The following CCDC171 variants were observed in gnomAD, a reference collection of about 807,000 sequenced individuals.
The protein encoded by CCDC171 is coiled-coil domain-containing protein 171.
A neutral mutation model predicts 168.2 loss-of-function variants in CCDC171; 177 were observed. The observed-to-expected ratio is 1.05, with a 90% CI of 0.93 to 1.19. The LOEUF is 1.19. Ranked by LOEUF, CCDC171 falls within the 50% of genes most tolerant of loss-of-function variation. CCDC171 has a pLI of 0.00. For missense variants in CCDC171, 1,991 were observed against 1,539.0 expected, an observed-to-expected ratio of 1.29 and a Z score of -4.91; for synonymous variants, 687 against 540.8, an observed-to-expected ratio of 1.27 and a Z score of -3.75.
At chr9:15,648,167 T>G (rs559329546) in intron 7 of CCDC171, among the ~76,000 whole-genome samples, 2 of 152,334 alleles carry the variant, frequency 1.3e-5, no homozygotes, top group South Asian at 4.1e-4. Context: ...TCTGAATAGA[T>G]GCAGAAAAGG....
rs763965195 is a variant in CCDC171, at chr9:15,657,163, A to C, written c.859A>C (p.Ile287Leu). Residue 287 changes from isoleucine to leucine, a missense_variant, in exon 8 of 26, where the codon ATT (isoleucine) becomes CTT (leucine). By Grantham distance (5) the Ile-to-Leu change is conservative. Transcript: ENST00000380701. Reference protein sequence around the residue: ...TLRVRKLEENIEAERAAHLES... With the variant: ...TLRVRKLEENLEAERAAHLES... ...AAGAGTGAGGAAATTAGAAGAAAAC[A>C]TTGAAGCAGAAAGAGCAGCGCATTT... 1.2e-6 allele frequency: 2 copies of C among 1,611,288 alleles called. No homozygotes were observed. The highest frequency in any genetic ancestry group is 8.5e-7 in the Non-Finnish European group (1 of 1,178,444).
chr9:15,959,250 G>A (rs1293290205), intron 25 of CCDC171, among the ~76,000 whole-genome samples: 2 of 152,146 alleles, frequency 1.3e-5, no homozygotes, highest in African/African-American at 4.8e-5. Flanking sequence ...ACCTTACGAT[G>A]TGGCCTTTCC....
In CCDC171 at chr9:15,989,812, G is replaced by A. The variant is rs568049234; in HGVS notation, n.369-30777G>A. The stretch of plus-strand genomic sequence containing the variant: ...GCTTCAGTAGCTGATTCTGTCAACT[G>A]GAGGAAAGGGTATCAGTGATTGAAG... On this transcript the variant is annotated intron_variant and non_coding_transcript_variant, in intron 3 of 9. Transcript: ENST00000486641. 6.6e-5 allele frequency among the ~76,000 whole-genome samples: 10 copies of A among 152,252 alleles called. No homozygotes were observed. In the South Asian group the frequency reaches 1.5e-3, roughly 22 times the overall value.
rs541238808 is a variant in CCDC171 at position 15,951,561 on chromosome 9, C to G, written c.3754-20048C>G. Reference sequence around the variant, plus strand: ...TTGTTTGCTTGTTTTTTTAAGTAGCCGTTCTAATGGGTAGGAGGTAGTATC... The same window carrying G: ...TTGTTTGCTTGTTTTTTTAAGTAGCGGTTCTAATGGGTAGGAGGTAGTATC... On this transcript the variant is annotated intron_variant, in intron 25 of 25. Transcript: ENST00000380701. Among the ~76,000 whole-genome samples the G allele has an allele frequency of 2.0e-5, 3 of 151,842 alleles. No homozygotes were observed. In the East Asian group the frequency reaches 5.8e-4, roughly 29 times the overall value.
At chr9:15,942,510 T>C (rs1456139175) in intron 25 of CCDC171, among the ~76,000 whole-genome samples, 3 of 151,954 alleles carry the variant, frequency 2.0e-5, no homozygotes, top group Non-Finnish European at 4.4e-5. Flanking sequence ...ATTGTTCACC[T>C]GAGATCAGGA....
At chr9:16,066,334 T>C (rs1200933825), downstream of CCDC171, among the ~76,000 whole-genome samples, 2 of 152,180 alleles carry the variant, frequency 1.3e-5, no homozygotes, top group Admixed American at 1.3e-4. Context: ...TTAAAAATTA[T>C]TGTTCACTGT....
intron 3 of CCDC171, among the ~76,000 whole-genome samples, chr9:15,991,702 A>G (rs556667650): frequency 3.2e-4 from 49 of 152,202 alleles, no homozygotes; most frequent in Non-Finnish European, 6.0e-4. Flanking sequence ...AAAGAATAAA[A>G]GAGAGAAGAA....
chr9:16,004,491 T>C (rs1008843598), intron 3 of CCDC171, among the ~76,000 whole-genome samples: 1 of 152,222 alleles, frequency 6.6e-6, no homozygotes, highest in Non-Finnish European at 1.5e-5. Flanking sequence ...TGTCCAGCGA[T>C]CTGCTTTCCT....
rs1189230686 is a variant in CCDC171 at position 15,972,066 on chromosome 9, A to G, written c.*230A>G. The stretch of plus-strand genomic sequence containing the variant: ...TCACAGTTGCTCATTTTTATGTAAC[A>G]TATTTTTAAATGTTAAGGAATGACA... On this transcript the variant is annotated 3_prime_UTR_variant, in exon 26 of 26. Transcript: ENST00000380701. 4 of 496,028 alleles carry G rather than the reference A, an allele frequency of 8.1e-6. No individual in the cohort carries two copies. The highest frequency in any genetic ancestry group is 3.3e-5 in the East Asian group (1 of 30,066). 30.7% of individuals were successfully genotyped at this position (496,028 alleles called of 1,614,324 possible).
At chr9:15,600,826 T>A (rs1043769665) in intron 6 of CCDC171, among the ~76,000 whole-genome samples, 1 of 152,168 alleles carries the variant, frequency 6.6e-6, no homozygotes, top group Admixed American at 6.5e-5. Flanking sequence ...TACTCAAGCC[T>A]CCACAATGGC....
chr9:15,743,397 C>CTT (rs1445386524), intron 16 of CCDC171, among the ~76,000 whole-genome samples: 2 of 151,946 alleles, frequency 1.3e-5, no homozygotes, highest in Non-Finnish European at 2.9e-5. Context: ...GTCTCAAACT[C>CTT]TTGAGCTCAA....
intron 6 of CCDC171, among the ~76,000 whole-genome samples, chr9:15,621,203 G>GGT (rs1305239879): frequency 2.6e-5 from 4 of 152,194 alleles, no homozygotes; most frequent in Admixed American, 6.5e-5. Flanking sequence ...CTGGGCTCAA[G>GGT]TGATCCATCT....
intron 24 of CCDC171, among the ~76,000 whole-genome samples, chr9:15,903,095 A>T (rs1430524746): frequency 6.6e-6 from 1 of 152,146 alleles, no homozygotes; most frequent in African/African-American, 2.4e-5. Context: ...TGTAGACTCC[A>T]CCTCTGGGGG....
chr9:16,054,203 C>T (rs888576485), intron 1 of CCDC171, among the ~76,000 whole-genome samples: 1 of 152,140 alleles, frequency 6.6e-6, no homozygotes, highest in East Asian at 1.9e-4. Context: ...AGGGAGTTGC[C>T]CATTCAGGGA....
intron 23 of CCDC171, among the ~76,000 whole-genome samples, chr9:15,864,271 C>G: frequency 6.6e-6 from 1 of 151,974 alleles, no homozygotes; most frequent in South Asian, 2.1e-4. Flanking sequence ...AATAGCTCTA[C>G]CAGTAGGCTT....
intron 6 of CCDC171, among the ~76,000 whole-genome samples, chr9:15,595,278 C>A (rs1402991817): frequency 6.6e-6 from 1 of 152,034 alleles, no homozygotes; most frequent in Non-Finnish European, 1.5e-5. Context: ...AGGTATATAT[C>A]CTAATGCTAT....
At chr9:16,071,262 C>A in the CCDC171 span, among the ~76,000 whole-genome samples, 1 of 152,132 alleles carries the variant, frequency 6.6e-6, no homozygotes, top group East Asian at 1.9e-4. Context: ...CCCTCTTTTT[C>A]CTCCACCGAG....
At chr9:16,098,035 G>A in the CCDC171 span, among the ~76,000 whole-genome samples, 5 of 152,202 alleles carry the variant, frequency 3.3e-5, no homozygotes, top group Non-Finnish European at 5.9e-5. Flanking sequence ...GAGCTTTAAA[G>A]GGAAAGAGAC....
chr9:15,686,972 C>T (rs1471586909), intron 10 of CCDC171, among the ~76,000 whole-genome samples: 2 of 152,068 alleles, frequency 1.3e-5, no homozygotes, highest in African/African-American at 4.8e-5. Flanking sequence ...CTCAAGTGTA[C>T]GTGAAATATT....
Sources: gnomAD v4.1 joint callset for allele counts (sites outside exome capture counted in the v4.1 genomes callset) on GRCh38, gnomAD v4.1.1 for gene constraint, MANE v1.5 for transcripts, NCBI Gene and HGNC (gene_info 2026-07-23, HGNC 2026-07-21) for gene names.